Variants in ADD3 observed in about 807,000 individuals in gnomAD.
ADD3 encodes adducin 3, also known as gamma-adducin.
In ADD3, 25 loss-of-function variants were observed where a neutral mutation model predicts 80.2. That is an observed-to-expected ratio of 0.31 (90% confidence interval 0.23 to 0.44). The LOEUF is 0.44. ADD3 is among the 20% of genes least tolerant of loss of function. ADD3 has a pLI of 1.00. For synonymous variants in ADD3, 284 were observed against 289.6 expected (o/e 0.98, Z 0.20); for missense variants, 829 against 847.5 (o/e 0.98, Z 0.27).
chr10:110,021,434 T>C (rs1352405414), intron 1 of ADD3, among the ~76,000 whole-genome samples: 5 of 152,186 alleles, frequency 3.3e-5, no homozygotes, highest in African/African-American at 1.2e-4. Context: ...AGCAACATTA[T>C]TCATAATAGC....
At chr10:110,026,369 C>T (rs1343028804) in intron 1 of ADD3, among the ~76,000 whole-genome samples, 1 of 151,084 alleles carries the variant, frequency 6.6e-6, no homozygotes, top group Non-Finnish European at 1.5e-5. Flanking sequence ...GCAACCTCAG[C>T]CTCCCGGTTC....
intron 1 of ADD3, among the ~76,000 whole-genome samples, chr10:110,096,166 GA>G (rs1156621329): frequency 6.6e-6 from 1 of 151,762 alleles, no homozygotes; most frequent in African/African-American, 2.4e-5. Flanking sequence ...TATTTTTTTG[GA>G]AAAAAACAAT....
upstream of ADD3, among the ~76,000 whole-genome samples, chr10:110,005,651 T>C (rs190269577): frequency 7.3e-4 from 111 of 152,364 alleles, 2 homozygotes; most frequent in Admixed American, 7.3e-3. Context: ...CATACAACTT[T>C]ATTTTGCCAT....
In ADD3 at chr10:110,078,116, C is replaced by CT. The variant is rs1158746905; in HGVS notation, c.-29-22504dup. Among the ~76,000 whole-genome samples the CT allele has an allele frequency of 7.2e-5, 11 of 152,298 alleles. No homozygotes were observed. The East Asian group carries it at 1.9e-3, about 27-fold the overall frequency. On this transcript the variant is annotated intron_variant, in intron 1 of 14. Coordinates refer to ENST00000356080, the MANE Select transcript of ADD3 (RefSeq NM_016824.5). ...AGCATCTCCTTGCTTCAGCTTCCTC[C>CT]TTTTTACTTGGTAGTAATTGGATTT...
chr10:110,115,662 G>C (rs1349635206), intron 3 of ADD3, among the ~76,000 whole-genome samples: 1 of 152,158 alleles, frequency 6.6e-6, no homozygotes, highest in Non-Finnish European at 1.5e-5. Flanking sequence ...CATGGGCCTC[G>C]AGAAGAGTTC....
At chr10:110,018,666 CT>C (rs1209212052) in intron 1 of ADD3, among the ~76,000 whole-genome samples, 2 of 151,660 alleles carry the variant, frequency 1.3e-5, no homozygotes, top group Non-Finnish European at 2.9e-5. Context: ...CCAGAAATTA[CT>C]GTCCGTGAAA....
chr10:110,024,707 A>G (rs1854075244), intron 1 of ADD3, among the ~76,000 whole-genome samples: 1 of 152,218 alleles, frequency 6.6e-6, no homozygotes, highest in African/African-American at 2.4e-5. Flanking sequence ...TAGTAAAATG[A>G]AAATCAGTGA....
chr10:110,029,997 T>C (rs1854800723), intron 1 of ADD3, among the ~76,000 whole-genome samples: 1 of 152,114 alleles, frequency 6.6e-6, no homozygotes, highest in South Asian at 2.1e-4. Flanking sequence ...ATTTTGATGA[T>C]AGCTGACCTG....
chr10:110,029,383 G>C (rs1854714507), intron 1 of ADD3, among the ~76,000 whole-genome samples: 1 of 152,176 alleles, frequency 6.6e-6, no homozygotes, highest in Non-Finnish European at 1.5e-5. Context: ...TAATGCAAAT[G>C]GCATATTGTT....
intron 1 of ADD3, among the ~76,000 whole-genome samples, chr10:110,078,006 A>C (rs553657154): frequency 6.6e-6 from 1 of 152,308 alleles, no homozygotes; most frequent in African/African-American, 2.4e-5. Context: ...CTCTGTTGAA[A>C]TCAAATCTGA....
intron 2 of ADD3, among the ~76,000 whole-genome samples, chr10:110,111,511 C>G (rs1849998121): frequency 6.6e-6 from 1 of 152,124 alleles, no homozygotes; most frequent in Admixed American, 6.5e-5. Flanking sequence ...AATATTAGTT[C>G]AGGATTTTGA....
intron 1 of ADD3, among the ~76,000 whole-genome samples, chr10:110,059,768 CAAAAAAAAT>C (rs940987689): frequency 1.3e-5 from 2 of 151,382 alleles, no homozygotes; most frequent in Non-Finnish European, 2.9e-5. Context: ...GACTCTGTCT[CAAAAAAAAT>C]AAAAAATAAA....
In ADD3 at chr10:110,135,539, T is replaced by A. The variant is rs1257204510; in HGVS notation, c.*1921T>A. 1 of 152,604 alleles carries A rather than the reference T, an allele frequency of 6.6e-6. No individual in the cohort carries two copies. Among genetic ancestry groups the A allele is most frequent in the Non-Finnish European group, 1.5e-5 (1 of 68,030 alleles). The allele number at this position is 152,604 out of a possible 1,614,324, so 9.5% of individuals were successfully genotyped here. On this transcript the variant is annotated 3_prime_UTR_variant, in exon 15 of 15. Transcript: ENST00000356080. ...AGATGTAATGCTAATTAATGTTAAA[T>A]CACAAATAAACAGTATTTTAAATAT...
intron 1 of ADD3, among the ~76,000 whole-genome samples, chr10:110,079,469 T>A (rs956341995): frequency 4.9e-4 from 69 of 142,114 alleles, no homozygotes; most frequent in East Asian, 3.7e-3. Context: ...AGAGTGTGTG[T>A]GTGTGTGTGT....
At chr10:110,054,516 A>G (rs1309026248) in intron 1 of ADD3, among the ~76,000 whole-genome samples, 1 of 141,706 alleles carries the variant, frequency 7.1e-6, no homozygotes, top group East Asian at 2.0e-4. Context: ...ATCTCGGCTC[A>G]CTGCAACCTC....
In ADD3 at chr10:110,132,406, C is replaced by G; in HGVS notation, c.1828+6C>G. On this transcript the variant is annotated splice_donor_region_variant and intron_variant, in intron 14 of 14. Transcript: ENST00000356080. ...TGTCCCTGAAAAATTAGAAGGTACTCAATGTAATTTCCCACATAGCATTCA... is the reference window on the plus strand; with the variant it reads ...TGTCCCTGAAAAATTAGAAGGTACTGAATGTAATTTCCCACATAGCATTCA... 6.3e-7 allele frequency: 1 copy of G among 1,589,962 alleles called. No homozygotes were observed. Among genetic ancestry groups the G allele is most frequent in the African/African-American group, 1.3e-5 (1 of 74,550 alleles).
At chr10:110,089,892 C>T (rs750943718) in intron 1 of ADD3, among the ~76,000 whole-genome samples, 11 of 152,042 alleles carry the variant, frequency 7.2e-5, no homozygotes, top group Non-Finnish European at 1.2e-4. Flanking sequence ...GTAACCCTGC[C>T]CCTTGTATGG....
Position 110,130,480 on chromosome 10 carries a change from C to T in ADD3, c.1726C>T (p.Leu576=). 6.2e-7 allele frequency: 1 copy of T among 1,613,288 alleles called. No homozygotes were observed. Among genetic ancestry groups the T allele is most frequent in the Non-Finnish European group, 8.5e-7 (1 of 1,179,696 alleles). The change falls in exon 13 of 15, where the codon CTA becomes TTA. Residue 576 remains leucine (L), a synonymous_variant. Transcript: ENST00000356080. Reference sequence around the variant, plus strand: ...GACAATCGAACGTAAACAACAAGGCCTAGAAGGTTAGTTAATCTTTACATT... The same window carrying T: ...GACAATCGAACGTAAACAACAAGGCTTAGAAGGTTAGTTAATCTTTACATT... The part of the protein sequence containing the change: ...KRTIERKQQG[L]EDAEQELLSD...
chr10:110,120,538 G>C (rs1229123393), intron 8 of ADD3, among the ~76,000 whole-genome samples: 22 of 152,022 alleles, frequency 1.4e-4, no homozygotes. Context: ...AAACATACGT[G>C]TGCATGTGTC....
Sources: gnomAD v4.1 joint callset for allele counts (sites outside exome capture counted in the v4.1 genomes callset) on GRCh38, gnomAD v4.1.1 for gene constraint, MANE v1.5 for transcripts, NCBI Gene and HGNC (gene_info 2026-07-23, HGNC 2026-07-21) for gene names.